MALL: variants seen among roughly 807,000 people sequenced by gnomAD.
MALL encodes the protein MAL-like protein.
In MALL, 2 loss-of-function variants were observed where a neutral mutation model predicts 10.3. That is an observed-to-expected ratio of 0.19 (90% CI 0.08 to 0.61). The LOEUF (loss-of-function observed/expected upper bound fraction) is 0.61, where lower values mean the gene tolerates loss of function less well. MALL is among the 20% of genes least tolerant of loss of function. The pLI, the probability that MALL is intolerant of heterozygous loss-of-function variation, is 0.88. For missense variants in MALL, 39 were observed against 115.2 expected, an observed-to-expected ratio of 0.34 and a Z score of 3.03; for synonymous variants, 27 against 51.8, an observed-to-expected ratio of 0.52 and a Z score of 2.05.
chr2:110,109,086 C>T (rs1427129999), intron 1 of MALL, among the ~76,000 whole-genome samples: 1 of 152,108 alleles, frequency 6.6e-6, no homozygotes, highest in African/African-American at 2.4e-5. Flanking sequence ...AAAACAGAAC[C>T]TCTTTAAAGC....
intron 1 of MALL, among the ~76,000 whole-genome samples, chr2:110,098,777 G>A (rs550794782): frequency 3.5e-4 from 53 of 152,224 alleles, no homozygotes; most frequent in African/African-American, 1.3e-3. Flanking sequence ...GGCCAAGGTG[G>A]GGATCACTCG....
intron 1 of MALL, among the ~76,000 whole-genome samples, chr2:110,106,245 G>A (rs1163427402): frequency 6.6e-6 from 1 of 152,146 alleles, no homozygotes; most frequent in Non-Finnish European, 1.5e-5. Context: ...CACCCTGGGT[G>A]AGCTTGCAGC....
chr2:110,099,336 G>T (rs143731680), intron 1 of MALL, among the ~76,000 whole-genome samples: 4 of 152,154 alleles, frequency 2.6e-5, no homozygotes, highest in African/African-American at 7.2e-5. Flanking sequence ...CAATGACTGT[G>T]AAAGTGCCAA....
At chr2:110,118,082 T>C (rs1678958682), upstream of MALL, among the ~76,000 whole-genome samples, 1 of 152,062 alleles carries the variant, frequency 6.6e-6, no homozygotes, top group Non-Finnish European at 1.5e-5. Context: ...TTTTTTTTTT[T>C]TCTAGAATCC....
chr2:110,112,806 C>A (rs1678831634), intron 1 of MALL, among the ~76,000 whole-genome samples: 1 of 151,520 alleles, frequency 6.6e-6, no homozygotes, highest in Non-Finnish European at 1.5e-5. Context: ...CAGCACAATT[C>A]ACAATTGTGA....
At chr2:110,116,393 C>T (rs920254591), upstream of MALL, 2 of 152,720 alleles carry the variant, frequency 1.3e-5, no homozygotes, top group Non-Finnish European at 2.9e-5. Flanking sequence ...GAGCAGCCCT[C>T]CCTTCCAGCT....
At chr2:110,106,246 A>T (rs1443402282) in intron 1 of MALL, among the ~76,000 whole-genome samples, 1 of 152,166 alleles carries the variant, frequency 6.6e-6, no homozygotes, top group Non-Finnish European at 1.5e-5. Flanking sequence ...ACCCTGGGTG[A>T]GCTTGCAGCT....
chr2:110,095,375 G>A (rs963162133), intron 1 of MALL, among the ~76,000 whole-genome samples: 1 of 152,138 alleles, frequency 6.6e-6, no homozygotes, highest in East Asian at 1.9e-4. Flanking sequence ...TAGATTTCAA[G>A]CACAACTTTG....
At chr2:110,105,518 C>T (rs906816) in intron 1 of MALL, among the ~76,000 whole-genome samples, 129,671 of 152,204 alleles carry the variant, frequency 0.85, 56,007 homozygotes, top group Middle Eastern at 0.98. Context: ...CTGTGGGAGC[C>T]AGACCAAGGA....
At chr2:110,098,985 C>G (rs1371038180) in intron 1 of MALL, among the ~76,000 whole-genome samples, 1 of 99,440 alleles carries the variant, frequency 1.0e-5, no homozygotes, top group African/African-American at 2.8e-5. Flanking sequence ...AGAGAAAGAC[C>G]CTGTCTCAAA....
chr2:110,114,271 C>G (rs1381589279), intron 1 of MALL, among the ~76,000 whole-genome samples: 1 of 152,074 alleles, frequency 6.6e-6, no homozygotes, highest in Non-Finnish European at 1.5e-5. Flanking sequence ...TTCAGATGGT[C>G]CCTCCTTGCT....
Position 110,101,949 on chromosome 2 carries a change from G to A in MALL, c.106-10179C>T, listed in dbSNP as rs948012228. On this transcript the variant is annotated intron_variant, in intron 1 of 3. Transcript: ENST00000272462. ...AAATGCTGTAAAGCAGCAAGGGGAA[G>A]GCATCCTGCTCCCACCGCGGCCCGG... Among the ~76,000 whole-genome samples the A allele has an allele frequency of 7.9e-5, 12 of 152,042 alleles. No homozygotes were observed. The East Asian group carries it at 2.3e-3, about 29-fold the overall frequency.
chr2:110,113,534 T>C (rs530999538), intron 1 of MALL, among the ~76,000 whole-genome samples: 82 of 151,454 alleles, frequency 5.4e-4, no homozygotes, highest in African/African-American at 1.6e-3. Flanking sequence ...CTAAAGAACT[T>C]ACTAATGTAA....
intron 1 of MALL, among the ~76,000 whole-genome samples, chr2:110,099,986 G>T (rs1255890692): frequency 1.3e-5 from 2 of 151,980 alleles, no homozygotes. Context: ...GTCTGTGCGG[G>T]TCGCCCATAC....
intron 1 of MALL, among the ~76,000 whole-genome samples, chr2:110,103,245 A>G (rs1410676260): frequency 1.3e-5 from 2 of 152,064 alleles, no homozygotes; most frequent in Non-Finnish European, 1.5e-5. Context: ...GCCCTGTCCA[A>G]TGGAGTGGGG....
intron 1 of MALL, among the ~76,000 whole-genome samples, chr2:110,100,392 G>A (rs193049736): frequency 4.4e-4 from 67 of 152,114 alleles, no homozygotes; most frequent in African/African-American, 1.5e-3. Flanking sequence ...AGGATCCTTT[G>A]GGCTCGGGAG....
At chr2:110,097,660 A>G in intron 1 of MALL, 1 of 412,772 alleles carries the variant, frequency 2.4e-6, no homozygotes, top group East Asian at 7.3e-5. Flanking sequence ...CTGTGTGGCC[A>G]GGGCTCTGGG....
intron 1 of MALL, among the ~76,000 whole-genome samples, chr2:110,106,185 T>C (rs758803729): frequency 8.5e-5 from 13 of 152,202 alleles, no homozygotes; most frequent in Non-Finnish European, 1.8e-4. Context: ...GGTTGACAGT[T>C]AAAATAATTT....
At chr2:110,116,022 G>A, upstream of MALL, 1 of 387,272 alleles carries the variant, frequency 2.6e-6, no homozygotes, top group Non-Finnish European at 4.6e-6. Context: ...TGGTGCAGGA[G>A]GGAGCAGAGC....
Sources: allele counts gnomAD v4.1 joint callset (sites outside exome capture counted in the v4.1 genomes callset), GRCh38; gene constraint gnomAD v4.1.1; transcripts MANE v1.5; gene names NCBI Gene and HGNC (gene_info 2026-07-23, HGNC 2026-07-21).